Variants in TMC3 observed in about 807,000 individuals in gnomAD.
TMC3 encodes transmembrane channel-like protein 3.
Under a neutral mutation model 110.6 loss-of-function variants are expected in TMC3, and 98 were observed. The ratio of observed to expected loss-of-function variants is 0.89; its 90% CI spans 0.75 to 1.05. TMC3 has a LOEUF of 1.05. Among genes scored for constraint, TMC3 ranks in the 50% least tolerant of loss-of-function variants. The pLI, the probability that TMC3 is intolerant of heterozygous loss-of-function variation, is 0.00. For missense variants in TMC3, 1,319 were observed against 1,373.2 expected (o/e 0.96, Z 0.62); for synonymous variants, 489 against 513.1 (o/e 0.95, Z 0.63).
intron 3 of TMC3, among the ~76,000 whole-genome samples, chr15:81,366,910 CA>C (rs1466180973): frequency 6.6e-6 from 1 of 152,042 alleles, no homozygotes; most frequent in African/African-American, 2.4e-5. Context: ...GTGTATCTGT[CA>C]GTTATTGTCT....
chr15:81,356,335 G>T, intron 8 of TMC3, 112 bp downstream of exon 8: 1 of 1,229,182 alleles, frequency 8.1e-7, no homozygotes, highest in Non-Finnish European at 1.1e-6. Context: ...AACTGCCCTG[G>T]ACAATGAACA....
Position 81,334,910 on chromosome 15 carries a change from G to A in TMC3, c.2269C>T (p.Leu757=). ...GGTGTGCCCGAGTGCGCTGAGGACA[G>A]CTGGCTGGTAAGATCACTGTCGTTT... ...LPNDSDLTSQ[L]SSAHSGTPQN... is the part of the protein sequence containing the mutation. The change falls in exon 21 of 22, where the codon CTG becomes TTG. Residue 757 remains leucine (L), a synonymous_variant. Coordinates refer to ENST00000359440, the MANE Select transcript of TMC3 (RefSeq NM_001080532.3). 1 of 1,614,070 alleles carries A rather than the reference G, an allele frequency of 6.2e-7. No individual in the cohort carries two copies.
At chr15:81,371,943 G>A (rs558609143) in intron 2 of TMC3, among the ~76,000 whole-genome samples, 1 of 152,146 alleles carries the variant, frequency 6.6e-6, no homozygotes, top group East Asian at 1.9e-4. Context: ...AAAAAGAAAA[G>A]AACTGGTATT....
At chr15:81,341,899 A>G (rs533151843) in intron 15 of TMC3, among the ~76,000 whole-genome samples, 1 of 152,216 alleles carries the variant, frequency 6.6e-6, no homozygotes, top group Non-Finnish European at 1.5e-5. Context: ...TTCAGGTTTA[A>G]TCAACATATT....
chr15:81,343,160 C>A, intron 15 of TMC3, 118 bp downstream of exon 15: 1 of 566,310 alleles, frequency 1.8e-6, no homozygotes, highest in Non-Finnish European at 3.2e-6. Flanking sequence ...ATCTTGGAAA[C>A]ATCCCTTCTT....
rs1567059680 is a variant in TMC3 at position 81,333,080 on chromosome 15, C to T, written c.2642G>A (p.Arg881Lys). The T allele has an allele frequency of 6.2e-7, 1 of 1,613,848 alleles. No homozygotes were observed. The part of the protein sequence containing the change: ...QASTLLAQGP[R>K]PHAPRYYVIN... ...GACATAGTATCTGGGGGCGTGGGGCCTGGGACCCTGTGCCAGCAAAGTCGA... is the reference window on the plus strand; with the variant it reads ...GACATAGTATCTGGGGGCGTGGGGCTTGGGACCCTGTGCCAGCAAAGTCGA... The change falls in exon 22 of 22, where the codon AGG (arginine) becomes AAG (lysine). Residue 881 changes from arginine to lysine, a missense_variant. Transcript: ENST00000359440.
rs1160801895 is a variant in TMC3 at position 81,349,519 on chromosome 15, C to T, written c.1132G>A (p.Asp378Asn). ...LVTMIAPSAFDLIAALEMYHP... is the reference protein window; with the variant it reads ...LVTMIAPSAFNLIAALEMYHP... ...TACATCTCTAAGGCAGCAATGAGGTCAAAGGCTGATGGTGCTATCATGGTG... is the reference window on the plus strand; with the variant it reads ...TACATCTCTAAGGCAGCAATGAGGTTAAAGGCTGATGGTGCTATCATGGTG... The change falls in exon 11 of 22, where the codon GAC (aspartate) becomes AAC (asparagine). Residue 378 changes from aspartate to asparagine, a missense_variant. Physicochemically the swap from Asp to Asn is conservative, Grantham distance 23. Coordinates refer to ENST00000359440, the MANE Select transcript of TMC3 (RefSeq NM_001080532.3). 6.4e-7 allele frequency: 1 copy of T among 1,563,256 alleles called. No homozygotes were observed. The highest frequency in any genetic ancestry group is 1.2e-5 in the South Asian group (1 of 84,230).
At chr15:81,350,563 C>T (rs8042818) in intron 10 of TMC3, among the ~76,000 whole-genome samples, 23,901 of 152,074 alleles carry the variant, frequency 0.16, 3,594 homozygotes, top group African/African-American at 0.4. Context: ...AAGCACACAG[C>T]AACTCAATTG....
chr15:81,345,361 G>T (rs918347372), intron 12 of TMC3, among the ~76,000 whole-genome samples: 1 of 152,164 alleles, frequency 6.6e-6, no homozygotes, highest in Admixed American at 6.5e-5. Context: ...AATGCTCAAG[G>T]TCACGCTGCT....
intron 20 of TMC3, chr15:81,335,991 C>G (rs937375511): frequency 1.3e-5 from 2 of 152,272 alleles, no homozygotes; most frequent in Non-Finnish European, 2.9e-5. Context: ...CAAAGAGATT[C>G]TTTGGGCTTT....
chr15:81,332,238 T>C lies in TMC3; in HGVS notation c.*181A>G, dbSNP rs1893477174. ...TAACTCGGATAAATTTGGCTAACAG[T>C]AGCTGTAGAATAGGTATCTGTAGCC... On this transcript the variant is annotated 3_prime_UTR_variant, in exon 22 of 22. Coordinates refer to ENST00000359440, the MANE Select transcript of TMC3 (RefSeq NM_001080532.3). 2.3e-6 allele frequency: 2 copies of C among 861,674 alleles called. No individual in the cohort carries two copies. The highest frequency in any genetic ancestry group is 5.6e-5 in the East Asian group (2 of 35,832). 53.4% of individuals were successfully genotyped at this position (861,674 alleles called of 1,614,324 possible). A position where few individuals can be genotyped will look rare whatever the true frequency, so the allele number is the denominator to read the frequency against.
intron 20 of TMC3, 105 bp downstream of exon 20, chr15:81,336,504 G>A (rs1302360497): frequency 1.9e-6 from 2 of 1,043,988 alleles, no homozygotes; most frequent in Admixed American, 3.5e-5. Flanking sequence ...GAAGGTGGAG[G>A]TTGCAGTGAG....
In TMC3 at chr15:81,364,706, A is replaced by T. The variant is rs552882934; in HGVS notation, c.313-2405T>A. On this transcript the variant is annotated intron_variant, in intron 3 of 21. Coordinates refer to ENST00000359440, the MANE Select transcript of TMC3 (RefSeq NM_001080532.3). ...ATAAAAAAAAACATTATTCCAAAAA[A>T]AAAAAAATAAAAAATAAAACTGTAA... Among the ~76,000 whole-genome samples, 157 of 127,926 alleles carry T rather than the reference A, an allele frequency of 1.2e-3. 3 individuals are homozygous for T. Among genetic ancestry groups the T allele is most frequent in the African/African-American group, 3.9e-3 (123 of 31,688 alleles). 83.9% of individuals were successfully genotyped at this position (127,926 alleles called of 152,430 possible).
At chr15:81,355,963 T>G (rs1894051932) in intron 8 of TMC3, among the ~76,000 whole-genome samples, 195 bp from the exon 9 acceptor site, 1 of 152,172 alleles carries the variant, frequency 6.6e-6, no homozygotes, top group African/African-American at 2.4e-5. Context: ...GGAAGAGGGA[T>G]TGGGAGATAG....
chr15:81,336,517 G>A (rs1893598587), intron 20 of TMC3, 92 bp downstream of exon 20: 17 of 1,250,008 alleles, frequency 1.4e-5, no homozygotes, highest in East Asian at 2.4e-5. Context: ...GCAGTGAGCC[G>A]AGATCACACC....
At chr15:81,373,963 C>G (rs1217017964) in intron 1 of TMC3, 26 bp downstream of exon 1, 7 of 1,607,772 alleles carry the variant, frequency 4.4e-6, no homozygotes, top group Non-Finnish European at 6.0e-6. Flanking sequence ...ACTCCTCTGC[C>G]CAGCTGATGA....
At chr15:81,348,180 T>C (rs189393134) in intron 11 of TMC3, among the ~76,000 whole-genome samples, 24 of 152,382 alleles carry the variant, frequency 1.6e-4, no homozygotes, top group Admixed American at 5.9e-4. Flanking sequence ...CACAAGTATT[T>C]ACTATCTAGT....
intron 21 of TMC3, among the ~76,000 whole-genome samples, chr15:81,334,129 A>G (rs1460265505): frequency 6.6e-6 from 1 of 152,134 alleles, no homozygotes; most frequent in Non-Finnish European, 1.5e-5. Context: ...ACAACTCCTT[A>G]TATAACAAGA....
rs1893470251 is a variant in TMC3, at chr15:81,331,891, C to G, written c.*528G>C. The G allele has an allele frequency of 6.5e-6, 1 of 153,560 alleles. No homozygotes were observed. Among genetic ancestry groups the G allele is most frequent in the African/African-American group, 2.4e-5 (1 of 41,180 alleles). The allele number at this position is 153,560 out of a possible 1,614,324, so 9.5% of individuals were successfully genotyped here. A position where few individuals can be genotyped will look rare whatever the true frequency, so the allele number is the denominator to read the frequency against. On this transcript the variant is annotated 3_prime_UTR_variant, in exon 22 of 22. Transcript: ENST00000359440. ...CTACTGCGCATGCGGACAGCCCACC[C>G]CAAGGGAAGAAAGGGAAGAATCGTG...
Sources: gnomAD v4.1 joint callset for allele counts (sites outside exome capture counted in the v4.1 genomes callset) on GRCh38, gnomAD v4.1.1 for gene constraint, MANE v1.5 for transcripts, NCBI Gene and HGNC (gene_info 2026-07-23, HGNC 2026-07-21) for gene names.